Variants in ITCH observed in about 807,000 individuals in gnomAD.
The protein encoded by ITCH is itchy E3 ubiquitin protein ligase.
Under a neutral mutation model 126.8 loss-of-function variants are expected in ITCH, and 28 were observed. The observed-to-expected ratio is 0.22, with a 90% CI of 0.16 to 0.30. The LOEUF is 0.30. Ranked by LOEUF, ITCH falls within the 10% of genes least tolerant of loss-of-function variation. ITCH has a pLI of 1.00. For synonymous variants in ITCH, 342 were observed against 340.0 expected (o/e 1.01, Z -0.06); for missense variants, 631 against 1,032.4 (o/e 0.61, Z 5.33).
chr20:34,421,029 C>G (rs1980694171), intron 6 of ITCH, among the ~76,000 whole-genome samples: 1 of 152,184 alleles, frequency 6.6e-6, no homozygotes, highest in South Asian at 2.1e-4. Flanking sequence ...GCTTTCTAAT[C>G]CATCTGAGGA....
Position 34,417,325 on chromosome 20 carries a change from G to A in ITCH, c.475+3446G>A, listed in dbSNP as rs574730204. 1.4e-4 allele frequency: 50 copies of A among 368,992 alleles called. 1 individual carries two copies. The highest frequency in any genetic ancestry group is 8.2e-4 in the African/African-American group (37 of 45,308). The allele number at this position is 368,992 out of a possible 1,614,324, so 22.9% of individuals were successfully genotyped here. A position where few individuals can be genotyped will look rare whatever the true frequency, so the allele number is the denominator to read the frequency against. ...TTGGCCAGGCTGGCTTTGAACTCCC[G>A]ACCTCAGGTGATCCGCCTGCCTCGA... is the stretch of plus-strand genomic sequence containing the variant. On this transcript the variant is annotated intron_variant, in intron 6 of 24. Transcript: ENST00000374864.
rs932380670 is a variant in ITCH at position 34,510,033 on chromosome 20, A to G, written c.*2239A>G. Reference sequence around the variant, plus strand: ...TATATTTTTAAAATACAGAATAGTTATATTTGAAGTAGCCCTGGCCCTAGT... The same window carrying G: ...TATATTTTTAAAATACAGAATAGTTGTATTTGAAGTAGCCCTGGCCCTAGT... On this transcript the variant is annotated 3_prime_UTR_variant, in exon 25 of 25. Coordinates refer to ENST00000374864, the MANE Select transcript of ITCH (RefSeq NM_031483.7). 6.6e-6 allele frequency: 1 copy of G among 152,666 alleles called. No homozygotes were observed. 9.5% of individuals were successfully genotyped at this position (152,666 alleles called of 1,614,324 possible). A position where few individuals can be genotyped will look rare whatever the true frequency, so the allele number is the denominator to read the frequency against.
intron 20 of ITCH, among the ~76,000 whole-genome samples, chr20:34,485,660 T>C (rs1367980713): frequency 1.3e-5 from 2 of 152,146 alleles, no homozygotes; most frequent in Non-Finnish European, 2.9e-5. Context: ...TCCCTCCCTC[T>C]TCTTACCTTT....
intron 2 of ITCH, among the ~76,000 whole-genome samples, chr20:34,385,428 C>T (rs1401814653): frequency 6.6e-6 from 1 of 151,912 alleles, no homozygotes; most frequent in Non-Finnish European, 1.5e-5. Flanking sequence ...TAATTTCACA[C>T]AAGCATTGTT....
At chr20:34,365,590 A>G (rs577174373) in intron 1 of ITCH, among the ~76,000 whole-genome samples, 6 of 151,828 alleles carry the variant, frequency 4.0e-5, no homozygotes, top group African/African-American at 1.2e-4. Flanking sequence ...ATTTTTTTGT[A>G]TTTTTTAGTA....
intron 3 of ITCH, among the ~76,000 whole-genome samples, chr20:34,404,806 T>G (rs1416141785): frequency 2.0e-5 from 3 of 152,028 alleles, no homozygotes; most frequent in Admixed American, 1.3e-4. Context: ...AGGCACATGG[T>G]AAATACTAAA....
chr20:34,467,295 A>G (rs962776631), intron 14 of ITCH, among the ~76,000 whole-genome samples: 2 of 152,168 alleles, frequency 1.3e-5, no homozygotes, highest in Non-Finnish European at 2.9e-5. Context: ...TTGGGAGGCC[A>G]AGGTGGGCAG....
intron 14 of ITCH, among the ~76,000 whole-genome samples, chr20:34,464,585 C>G (rs2098043709): frequency 6.6e-6 from 1 of 152,104 alleles, no homozygotes; most frequent in African/African-American, 2.4e-5. Flanking sequence ...CCTCAGCCTC[C>G]TGAAGTGTTG....
chr20:34,407,337 G>A (rs370221554), intron 3 of ITCH, among the ~76,000 whole-genome samples: 18 of 152,050 alleles, frequency 1.2e-4, no homozygotes, highest in African/African-American at 4.3e-4. Context: ...CATAATCTCG[G>A]CTCACTGCAA....
At chr20:34,479,053 A>G (rs765981490) in intron 17 of ITCH, among the ~76,000 whole-genome samples, 1 of 152,200 alleles carries the variant, frequency 6.6e-6, no homozygotes, top group Admixed American at 6.5e-5. Context: ...TATTTTCACA[A>G]TATTTGACTT....
At chr20:34,473,818 C>G (rs922461641) in intron 16 of ITCH, among the ~76,000 whole-genome samples, 2 of 152,188 alleles carry the variant, frequency 1.3e-5, no homozygotes, top group Non-Finnish European at 2.9e-5. Context: ...TTTGTCCATA[C>G]ACATTCAGAT....
At chr20:34,374,394 T>C (rs974084967) in intron 2 of ITCH, among the ~76,000 whole-genome samples, 4 of 152,206 alleles carry the variant, frequency 2.6e-5, no homozygotes, top group African/African-American at 9.6e-5. Context: ...GCCTAACTTC[T>C]TTTTGCCTTA....
intron 3 of ITCH, among the ~76,000 whole-genome samples, chr20:34,397,149 A>C (rs1451725261): frequency 6.6e-6 from 1 of 151,966 alleles, no homozygotes; most frequent in Non-Finnish European, 1.5e-5. Context: ...CAGCCTCCCA[A>C]GTAGCTGGGG....
In ITCH at chr20:34,400,646, C is replaced by CTTTTT. The variant is rs760416482; in HGVS notation, c.70+6780_70+6784dup. ...AAGTTAGAAAGAGAAAAAAATTTTTCTTTTTTTTTTTTTTTTTTTGAGACA... is the reference window on the plus strand; with the variant it reads ...AAGTTAGAAAGAGAAAAAAATTTTTCTTTTTTTTTTTTTTTTTTTTTTTTGAGACA... On this transcript the variant is annotated intron_variant, in intron 3 of 24. Coordinates refer to ENST00000374864, the MANE Select transcript of ITCH (RefSeq NM_031483.7). Among the ~76,000 whole-genome samples, 167 of 119,966 alleles carry CTTTTT rather than the reference C, an allele frequency of 1.4e-3. 1 individual carries two copies. Among genetic ancestry groups the CTTTTT allele is most frequent in the African/African-American group, 1.8e-3 (58 of 31,604 alleles). 78.7% of individuals were successfully genotyped at this position (119,966 alleles called of 152,430 possible). A position where few individuals can be genotyped will look rare whatever the true frequency, so the allele number is the denominator to read the frequency against.
chr20:34,479,886 G>T (rs967054730), intron 18 of ITCH, 97 bp downstream of exon 18: 4 of 1,144,028 alleles, frequency 3.5e-6, no homozygotes, highest in Non-Finnish European at 5.2e-6. Context: ...AAAGGGAAGT[G>T]GTTTTTTGTT....
At chr20:34,495,294 A>AATATATATATATAT (rs56706640) in intron 23 of ITCH, among the ~76,000 whole-genome samples, 29 of 120,514 alleles carry the variant, frequency 2.4e-4, no homozygotes, top group African/African-American at 8.8e-4. Flanking sequence ...AAATAAATAA[A>AATATATATATATAT]ATATATATAT....
chr20:34,488,201 C>G (rs1276594775), intron 20 of ITCH, among the ~76,000 whole-genome samples: 7 of 148,772 alleles, frequency 4.7e-5, no homozygotes, highest in Admixed American at 4.7e-4. Flanking sequence ...AAAAAAAAAA[C>G]CTTTCTTTAC....
intron 20 of ITCH, among the ~76,000 whole-genome samples, chr20:34,488,730 T>G (rs1233492608): frequency 6.7e-6 from 1 of 149,444 alleles, no homozygotes; most frequent in Non-Finnish European, 1.5e-5. Flanking sequence ...AAAAACAAAA[T>G]AAAAGAAAAA....
intron 1 of ITCH, among the ~76,000 whole-genome samples, chr20:34,365,190 G>T (rs961775132): frequency 6.6e-6 from 1 of 151,888 alleles, no homozygotes; most frequent in Non-Finnish European, 1.5e-5. Context: ...GACAGAGTGA[G>T]ACCCTGTCTC....
Sources: gnomAD v4.1 joint callset for allele counts (sites outside exome capture counted in the v4.1 genomes callset) on GRCh38, gnomAD v4.1.1 for gene constraint, MANE v1.5 for transcripts, NCBI Gene and HGNC (gene_info 2026-07-23, HGNC 2026-07-21) for gene names.